GALNT10: variants seen among roughly 807,000 people sequenced by gnomAD.
GALNT10 encodes the protein polypeptide N-acetylgalactosaminyltransferase 10.
A neutral mutation model predicts 75.0 loss-of-function variants in GALNT10; 41 were observed. The ratio of observed to expected loss-of-function variants is 0.55; its 90% CI spans 0.43 to 0.71. The LOEUF is 0.71. GALNT10 is among the 30% of genes least tolerant of loss of function. The probability of loss-of-function intolerance (pLI) is 0.00; values close to 1 mark genes in which losing one functional copy is unlikely to be tolerated. For synonymous variants in GALNT10, 302 were observed against 313.0 expected, an observed-to-expected ratio of 0.96 and a Z score of 0.37; for missense variants, 727 against 818.5, an observed-to-expected ratio of 0.89 and a Z score of 1.36.
Position 154,409,578 on chromosome 5 carries a change from A to G in GALNT10, c.1202A>G (p.Tyr401Cys). The G allele has an allele frequency of 1.2e-6, 2 of 1,614,024 alleles. No individual in the cohort carries two copies. The highest frequency in any genetic ancestry group is 1.7e-6 in the Non-Finnish European group (2 of 1,179,852). ...KRVAEVWMDEYAEYIYQRRPE... is the reference protein window; with the variant it reads ...KRVAEVWMDECAEYIYQRRPE... ...GTGGCCGAAGTGTGGATGGATGAGT[A>G]CGCAGAGTACATTTACCAGCGCCGG... Residue 401 changes from tyrosine to cysteine, a missense_variant, in exon 9 of 12, where the codon TAC becomes TGC. Coordinates refer to ENST00000297107, the MANE Select transcript of GALNT10 (RefSeq NM_198321.4). This position sits in a 1 kb window ranked among gnomAD's most constrained non-coding sequence, Gnocchi z 4.5.
chr5:154,225,533 G>C (rs947651900), intron 1 of GALNT10, among the ~76,000 whole-genome samples: 1 of 152,054 alleles, frequency 6.6e-6, no homozygotes, highest in Non-Finnish European at 1.5e-5. Context: ...TGGGACTACG[G>C]GCATGTGCCA....
intron 1 of GALNT10, among the ~76,000 whole-genome samples, chr5:154,259,648 A>G (rs2113022544): frequency 6.6e-6 from 1 of 152,238 alleles, no homozygotes; most frequent in South Asian, 2.1e-4. Context: ...CTCCTCCCCT[A>G]AAACAACCAC....
intron 1 of GALNT10, among the ~76,000 whole-genome samples, chr5:154,280,575 C>T (rs1358334037): frequency 2.6e-5 from 4 of 152,252 alleles, no homozygotes; most frequent in African/African-American, 9.6e-5. Context: ...TTAAAAGATA[C>T]ATGTTTTGCA....
rs775014222 is a variant in GALNT10, at chr5:154,219,832, T to TCACACACACACACACACA, written c.159+28808_159+28809insACACACACACACACACAC. On this transcript the variant is annotated intron_variant, in intron 1 of 11. Coordinates refer to ENST00000297107, the MANE Select transcript of GALNT10 (RefSeq NM_198321.4). Reference sequence around the variant, plus strand: ...CTCGCGCTCTCTCTCTCTCTCTCTCTCTCTCTCACACACACACACACACAC... The same window carrying TCACACACACACACACACA: ...CTCGCGCTCTCTCTCTCTCTCTCTCTCACACACACACACACACACTCTCTCACACACACACACACACAC... Among the ~76,000 whole-genome samples, 142 of 80,208 alleles carry TCACACACACACACACACA rather than the reference T, an allele frequency of 1.8e-3. No individual in the cohort carries two copies. The East Asian group carries it at 0.056, about 31-fold the overall frequency. The allele number at this position is 80,208 out of a possible 152,430, so 52.6% of individuals were successfully genotyped here.
intron 4 of GALNT10, among the ~76,000 whole-genome samples, chr5:154,335,441 G>A (rs17115954): frequency 0.27 from 40,542 of 151,952 alleles, 5,632 homozygotes; most frequent in African/African-American, 0.34. Flanking sequence ...AAATTCCAGC[G>A]AAATTTAATC....
Position 154,412,985 on chromosome 5 carries a change from G to A in GALNT10, c.1483G>A (p.Ala495Thr), listed in dbSNP as rs909875125. The stretch of plus-strand genomic sequence containing the variant: ...GGGCTGCGTCCGAGGCCGTGGGGAG[G>A]CTGCCTGGAACAACATGCAGGTAAG... ...LEGCVRGRGEAAWNNMQVFTF... is the reference protein window; with the variant it reads ...LEGCVRGRGETAWNNMQVFTF... Residue 495 changes from alanine (A) to threonine (T), a missense_variant, in exon 10 of 12, where the codon GCT (alanine) becomes ACT (threonine). Transcript: ENST00000297107. The surrounding 1 kb of genome is among the most constrained non-coding windows in gnomAD (Gnocchi z 4.2). 12 of 1,610,598 alleles carry A rather than the reference G, an allele frequency of 7.5e-6. No individual in the cohort carries two copies. The highest frequency in any genetic ancestry group is 1.3e-5 in the African/African-American group (1 of 74,882).
intron 1 of GALNT10, among the ~76,000 whole-genome samples, chr5:154,230,685 C>G (rs977877704): frequency 6.6e-6 from 1 of 152,248 alleles, no homozygotes; most frequent in South Asian, 2.1e-4. Context: ...CATCCCTGGG[C>G]TCAAGATGTG....
At chr5:154,208,969 A>G (rs1022570623) in intron 1 of GALNT10, among the ~76,000 whole-genome samples, 4 of 152,194 alleles carry the variant, frequency 2.6e-5, no homozygotes, top group African/African-American at 7.2e-5. Context: ...GAGAGTCACT[A>G]GAGTGCCACC....
chr5:154,389,911 A>G (rs190188640), intron 7 of GALNT10, among the ~76,000 whole-genome samples: 137 of 152,234 alleles, frequency 9.0e-4, no homozygotes, highest in African/African-American at 3.2e-3. Flanking sequence ...AAATACAAAA[A>G]AAAGACACCA....
At chr5:154,263,929 G>A (rs1256455067) in intron 1 of GALNT10, among the ~76,000 whole-genome samples, 3 of 152,102 alleles carry the variant, frequency 2.0e-5, no homozygotes, top group Admixed American at 6.6e-5. Context: ...ATTAGATAGC[G>A]TTGATGTTTA....
At chr5:154,415,322 G>A (rs892525270) in intron 10 of GALNT10, among the ~76,000 whole-genome samples, 2 of 150,948 alleles carry the variant, frequency 1.3e-5, no homozygotes, top group African/African-American at 4.9e-5. Context: ...CTGCAACAAC[G>A]TTGGCCTTGA....
At chr5:154,237,590 C>A (rs978357734) in intron 1 of GALNT10, among the ~76,000 whole-genome samples, 2 of 152,206 alleles carry the variant, frequency 1.3e-5, no homozygotes, top group Non-Finnish European at 2.9e-5. Context: ...TGGGAAATCC[C>A]TGCAGGATAC....
chr5:154,329,464 A>C (rs1754808499), intron 3 of GALNT10, 108 bp from the exon 4 acceptor site: 1 of 832,672 alleles, frequency 1.2e-6, no homozygotes, highest in Non-Finnish European at 2.0e-6. Flanking sequence ...CATTCCCTAA[A>C]GACTGGAGAG....
chr5:154,261,038 G>C (rs914769449), intron 1 of GALNT10, among the ~76,000 whole-genome samples: 2 of 149,634 alleles, frequency 1.3e-5, no homozygotes, highest in Non-Finnish European at 3.0e-5. Context: ...AACTGCAAAG[G>C]AGTGTGAAAT....
intron 1 of GALNT10, chr5:154,287,661 A>C (rs1036977656): frequency 6.6e-6 from 1 of 152,136 alleles, no homozygotes; most frequent in African/African-American, 2.4e-5. Context: ...GCCATGGACT[A>C]CCTTGTTCAT....
intron 3 of GALNT10, among the ~76,000 whole-genome samples, chr5:154,325,675 C>T (rs59905949): frequency 0.012 from 1,746 of 149,136 alleles, 34 homozygotes; most frequent in African/African-American, 0.04. Context: ...ACTTCTTTTT[C>T]GAGGATTAAA....
intron 1 of GALNT10, among the ~76,000 whole-genome samples, chr5:154,245,799 T>A (rs1239672504): frequency 1.6e-5 from 2 of 125,132 alleles, no homozygotes; most frequent in African/African-American, 5.5e-5. Context: ...TCTGGTGATA[T>A]CTTAAGCGCT....
At chr5:154,250,295 T>A (rs1753494819) in intron 1 of GALNT10, among the ~76,000 whole-genome samples, 1 of 152,188 alleles carries the variant, frequency 6.6e-6, no homozygotes, top group Admixed American at 6.5e-5. Context: ...TTACTTCCAA[T>A]TGTCTAGGTG....
chr5:154,287,929 A>AGTGTGCATGT (rs1256096338), intron 1 of GALNT10, among the ~76,000 whole-genome samples: 1 of 141,234 alleles, frequency 7.1e-6, no homozygotes, highest in Non-Finnish European at 1.5e-5. Context: ...AGAGAGAGAG[A>AGTGTGCATGT]GTGTGCATGT....
Sources: gnomAD v4.1 joint callset for allele counts (sites outside exome capture counted in the v4.1 genomes callset) on GRCh38, gnomAD v4.1.1 for gene constraint, Gnocchi (gnomAD v3.1) non-coding constraint, MANE v1.5 for transcripts, NCBI Gene and HGNC (gene_info 2026-07-23, HGNC 2026-07-21) for gene names.